Variants in RNF38 observed in about 807,000 individuals in gnomAD.
The protein encoded by RNF38 is ring finger protein 38.
A neutral mutation model predicts 67.2 loss-of-function variants in RNF38; 15 were observed. That is an observed-to-expected ratio of 0.22 (90% CI 0.15 to 0.34). RNF38 has a LOEUF of 0.34. Among genes scored for constraint, RNF38 ranks in the 10% least tolerant of loss-of-function variants. RNF38 has a pLI of 1.00. For synonymous variants in RNF38, 220 were observed against 218.8 expected (o/e 1.01, Z -0.05); for missense variants, 524 against 639.9 (o/e 0.82, Z 1.95).
chr9:36,444,617 T>G (rs1375939723), intron 1 of RNF38, among the ~76,000 whole-genome samples: 1 of 152,090 alleles, frequency 6.6e-6, no homozygotes. Context: ...CTGACCAACA[T>G]ACTGAAATCC....
intron 2 of RNF38, among the ~76,000 whole-genome samples, chr9:36,385,093 G>T (rs183050603): frequency 8.6e-5 from 13 of 152,038 alleles, no homozygotes; most frequent in Non-Finnish European, 1.5e-4. Flanking sequence ...AAGCAAATTG[G>T]AAAAGTGAAA....
At chr9:36,465,005 T>C (rs1839826745) in intron 1 of RNF38, among the ~76,000 whole-genome samples, 1 of 152,106 alleles carries the variant, frequency 6.6e-6, no homozygotes, top group African/African-American at 2.4e-5. Context: ...CACAAAAAGA[T>C]ACTTAACATC....
upstream of RNF38, chr9:36,401,307 C>G: frequency 1.5e-5 from 12 of 802,272 alleles, no homozygotes; most frequent in Non-Finnish European, 1.8e-5. Flanking sequence ...CGCCCCAGCC[C>G]GCCCCCCGCT....
chr9:36,480,057 C>T (rs1251380916), intron 1 of RNF38, among the ~76,000 whole-genome samples: 1 of 152,134 alleles, frequency 6.6e-6, no homozygotes, highest in African/African-American at 2.4e-5. Flanking sequence ...CGGCTTACTG[C>T]AAGCTACACC....
chr9:36,444,919 C>CTTTTT lies in RNF38; in HGVS notation n.242-20241_242-20237dup, dbSNP rs34369319. Among the ~76,000 whole-genome samples, 86 of 133,422 alleles carry CTTTTT rather than the reference C, an allele frequency of 6.4e-4. No homozygotes were observed. The South Asian group carries it at 0.019, about 30-fold the overall frequency. 87.5% of individuals were successfully genotyped at this position (133,422 alleles called of 152,430 possible). ...ATACTGCAGCTTTAAGAGCCATTCT[C>CTTTTT]TTTTTTTTTTTTTTTTTTGAGACCT... On this transcript the variant is annotated intron_variant and non_coding_transcript_variant, in intron 1 of 3. Transcript: ENST00000488058.
At chr9:36,412,012 A>G (rs1350245399) in intron 2 of RNF38, among the ~76,000 whole-genome samples, 1 of 134,170 alleles carries the variant, frequency 7.5e-6, no homozygotes, top group African/African-American at 2.6e-5. Context: ...TGAGGTACAT[A>G]CAGCAGCCAA....
At chr9:36,409,946 A>G (rs909685474) in intron 2 of RNF38, among the ~76,000 whole-genome samples, 1 of 152,204 alleles carries the variant, frequency 6.6e-6, no homozygotes, top group African/African-American at 2.4e-5. Flanking sequence ...CTTCCATAGG[A>G]AGCTTATTTA....
At chr9:36,395,103 C>G (rs1837417785) in intron 1 of RNF38, among the ~76,000 whole-genome samples, 1 of 152,152 alleles carries the variant, frequency 6.6e-6, no homozygotes, top group South Asian at 2.1e-4. Context: ...CTAAAGTTTA[C>G]AGAAAACAGT....
chr9:36,487,548 C>G, exon 1 of RNF38: 1 of 980,756 alleles, frequency 1.0e-6, no homozygotes, highest in Non-Finnish European at 1.2e-6. Context: ...GCGGCGGCCG[C>G]GCTTCCGCTC....
At chr9:36,426,486 C>A (rs1341377295) in intron 1 of RNF38, among the ~76,000 whole-genome samples, 1 of 152,132 alleles carries the variant, frequency 6.6e-6, no homozygotes, top group Non-Finnish European at 1.5e-5. Flanking sequence ...CACACTGAAC[C>A]GCGTACCAAT....
intron 9 of RNF38, among the ~76,000 whole-genome samples, chr9:36,346,118 GATAA>G (rs1193639379): frequency 4.6e-5 from 7 of 152,114 alleles, no homozygotes; most frequent in African/African-American, 1.4e-4. Flanking sequence ...GGTAGAATAG[GATAA>G]ATGAGACCAC....
intron 9 of RNF38, among the ~76,000 whole-genome samples, chr9:36,347,355 C>T (rs1014549350): frequency 2.6e-5 from 4 of 152,118 alleles, no homozygotes; most frequent in South Asian, 2.1e-4. Context: ...GCCACAGATA[C>T]GACCTTTTTA....
chr9:36,460,809 C>A (rs1485313891), intron 1 of RNF38, among the ~76,000 whole-genome samples: 1 of 149,722 alleles, frequency 6.7e-6, no homozygotes, highest in African/African-American at 2.5e-5. Context: ...ATCGCTTGAA[C>A]CCAGGAGGTG....
chr9:36,482,528 T>A (rs747889285), intron 1 of RNF38, among the ~76,000 whole-genome samples: 5 of 150,878 alleles, frequency 3.3e-5, no homozygotes, highest in Admixed American at 2.6e-4. Flanking sequence ...AATTTTTCTA[T>A]TGTTAGTAGA....
intron 6 of RNF38, 101 bp downstream of exon 6, chr9:36,356,202 T>G: frequency 4.3e-6 from 5 of 1,150,424 alleles, no homozygotes; most frequent in South Asian, 4.2e-5. Context: ...ATTCGTCTGG[T>G]TCTTAAATCC....
At position 36,339,716 on chromosome 9, in the gene RNF38, G is replaced by A; in HGVS notation, c.*36C>T. 1.9e-6 allele frequency: 3 copies of A among 1,555,430 alleles called. No homozygotes were observed. The highest frequency in any genetic ancestry group is 2.7e-6 in the Non-Finnish European group (3 of 1,130,108). On this transcript the variant is annotated 3_prime_UTR_variant, in exon 12 of 12. Transcript: ENST00000259605. The stretch of plus-strand genomic sequence containing the variant: ...GATAGTCCGTATATACATGTGATGA[G>A]GAACACCCAAACTAAATTTGTGCTT...
At chr9:36,342,247 GC>G (rs1832910170) in intron 11 of RNF38, 77 bp downstream of exon 11, 2 of 987,614 alleles carry the variant, frequency 2.0e-6, no homozygotes, top group Admixed American at 3.6e-5. Flanking sequence ...TGTCCACTGA[GC>G]TATGAACTTA....
chr9:36,447,941 T>TA (rs1329874567), intron 1 of RNF38, among the ~76,000 whole-genome samples: 5 of 152,380 alleles, frequency 3.3e-5, no homozygotes, highest in Non-Finnish European at 1.5e-5. Context: ...CAGCGGCTTC[T>TA]ACCCCCTAAG....
intron 4 of RNF38, among the ~76,000 whole-genome samples, chr9:36,359,873 C>T (rs1053475906): frequency 1.3e-5 from 2 of 151,768 alleles, no homozygotes; most frequent in Non-Finnish European, 2.9e-5. Context: ...AGCCCCGCCC[C>T]GAGTAGCTGG....
Sources: gnomAD v4.1 joint callset for allele counts (sites outside exome capture counted in the v4.1 genomes callset) on GRCh38, gnomAD v4.1.1 for gene constraint, MANE v1.5 for transcripts, NCBI Gene and HGNC (gene_info 2026-07-23, HGNC 2026-07-21) for gene names.